DENND1A: variants seen among roughly 807,000 people sequenced by gnomAD.
DENND1A encodes the protein DENN domain-containing protein 1A.
DENND1A carries 51 observed loss-of-function variants against 113.7 expected under a neutral mutation model. That is an observed-to-expected ratio of 0.45 (90% CI 0.36 to 0.57). The LOEUF (loss-of-function observed/expected upper bound fraction) is 0.57. Ranked by LOEUF, DENND1A falls within the 20% of genes least tolerant of loss-of-function variation. The pLI is 0.00. For missense variants in DENND1A, 1,258 were observed against 1,395.9 expected, an observed-to-expected ratio of 0.90 and a Z score of 1.57; for synonymous variants, 565 against 570.8, an observed-to-expected ratio of 0.99 and a Z score of 0.14.
At chr9:123,461,045 T>C (rs950952635) in intron 13 of DENND1A, among the ~76,000 whole-genome samples, 1 of 152,224 alleles carries the variant, frequency 6.6e-6, no homozygotes, top group Non-Finnish European at 1.5e-5. Context: ...CTTCCTTTCC[T>C]AGAGTCCTTC....
intron 5 of DENND1A, among the ~76,000 whole-genome samples, chr9:123,717,667 T>A (rs1013491302): frequency 6.6e-6 from 1 of 152,252 alleles, no homozygotes; most frequent in South Asian, 2.1e-4. Context: ...CCTATTTTAA[T>A]GTAAGGCTTT....
At chr9:123,649,268 A>T (rs1036614620) in intron 9 of DENND1A, among the ~76,000 whole-genome samples, 1 of 152,166 alleles carries the variant, frequency 6.6e-6, no homozygotes, top group African/African-American at 2.4e-5. Flanking sequence ...GGACCATAAA[A>T]GTTTTCCCAT....
At chr9:123,552,259 G>A (rs2057136091) in intron 13 of DENND1A, among the ~76,000 whole-genome samples, 1 of 152,200 alleles carries the variant, frequency 6.6e-6, no homozygotes, top group African/African-American at 2.4e-5. Flanking sequence ...CTCAGAGGGA[G>A]GAGGTGGGCG....
At chr9:123,901,931 G>C (rs7018625) in intron 1 of DENND1A, among the ~76,000 whole-genome samples, 5,801 of 152,120 alleles carry the variant, frequency 0.038, 117 homozygotes, top group Middle Eastern at 0.048. Flanking sequence ...GTGTGAACCC[G>C]GGAGACAGAG....
intron 3 of DENND1A, among the ~76,000 whole-genome samples, chr9:123,775,158 TA>T (rs1372871182): frequency 1.3e-5 from 2 of 152,220 alleles, no homozygotes; most frequent in African/African-American, 4.8e-5. Flanking sequence ...ATGAGAGCTA[TA>T]TTTATAAGGT....
chr9:123,806,961 T>C (rs1835687114), intron 2 of DENND1A, among the ~76,000 whole-genome samples: 1 of 152,224 alleles, frequency 6.6e-6, no homozygotes, highest in Non-Finnish European at 1.5e-5. Flanking sequence ...GAAATGTAGG[T>C]ACTTTTTAAA....
intron 1 of DENND1A, among the ~76,000 whole-genome samples, chr9:123,886,603 C>T (rs78542127): frequency 0.019 from 2,963 of 152,240 alleles, 50 homozygotes; most frequent in South Asian, 0.072. Flanking sequence ...GCAAACACCA[C>T]CTAATAAACA....
intron 21 of DENND1A, among the ~76,000 whole-genome samples, chr9:123,397,032 T>C (rs952881214): frequency 6.6e-6 from 1 of 152,246 alleles, no homozygotes; most frequent in Non-Finnish European, 1.5e-5. Context: ...TCTTGAAGTC[T>C]CAGCTATTTC....
chr9:123,412,884 G>A (rs1449150782), intron 19 of DENND1A, among the ~76,000 whole-genome samples: 1 of 152,210 alleles, frequency 6.6e-6, no homozygotes, highest in Non-Finnish European at 1.5e-5. Context: ...GCCAAAAGGG[G>A]AGCCAATGTC....
intron 8 of DENND1A, among the ~76,000 whole-genome samples, chr9:123,663,582 A>T (rs1452897328): frequency 6.6e-6 from 1 of 151,734 alleles, no homozygotes; most frequent in Non-Finnish European, 1.5e-5. Context: ...ATAACACTAA[A>T]TTCCTAGAGA....
At chr9:123,549,501 C>T (rs767868965) in intron 13 of DENND1A, among the ~76,000 whole-genome samples, 10 of 152,058 alleles carry the variant, frequency 6.6e-5, no homozygotes, top group African/African-American at 2.2e-4. Flanking sequence ...TGCTTTCTTG[C>T]GATGCTGTGA....
intron 2 of DENND1A, among the ~76,000 whole-genome samples, chr9:123,873,772 T>G (rs1262120493): frequency 6.6e-6 from 1 of 151,662 alleles, no homozygotes; most frequent in Non-Finnish European, 1.5e-5. Flanking sequence ...AGACGGAGTC[T>G]CACTCTGTCA....
At chr9:123,383,938 CT>C in intron 22 of DENND1A, 25 bp from the exon 23 acceptor site, 1 of 1,591,566 alleles carries the variant, frequency 6.3e-7, no homozygotes. Context: ...GCAGGCTGCA[CT>C]CTCCCACCCA....
At chr9:123,870,783 GGGCAA>G (rs1846470572) in intron 2 of DENND1A, among the ~76,000 whole-genome samples, 1 of 151,984 alleles carries the variant, frequency 6.6e-6, no homozygotes, top group African/African-American at 2.4e-5. Flanking sequence ...TGTCCAACCT[GGGCAA>G]GTAAACCTCT....
At chr9:123,903,548 T>A (rs973862688) in intron 1 of DENND1A, among the ~76,000 whole-genome samples, 3 of 152,060 alleles carry the variant, frequency 2.0e-5, no homozygotes, top group African/African-American at 4.8e-5. Context: ...GGTGAGGCAT[T>A]GCCTCACTTG....
chr9:123,445,691 C>T lies in DENND1A; in HGVS notation c.1356+5002G>A, dbSNP rs111604079. 4.7e-3 allele frequency among the ~76,000 whole-genome samples: 710 copies of T among 152,220 alleles called. 4 individuals are homozygous for T. Among genetic ancestry groups the T allele is most frequent in the African/African-American group, 0.016 (672 of 41,520 alleles). On this transcript the variant is annotated intron_variant, in intron 18 of 23. Coordinates refer to ENST00000394215, the MANE Select transcript of DENND1A (RefSeq NM_001352964.2). Reference sequence around the variant, plus strand: ...TTCGAGACCAGCCTGGCCAACATGGCAAAACCCCGTCTCTACAAAAATACA... The same window carrying T: ...TTCGAGACCAGCCTGGCCAACATGGTAAAACCCCGTCTCTACAAAAATACA...
intron 4 of DENND1A, chr9:123,759,219 T>C (rs922042133): frequency 1.3e-5 from 2 of 152,218 alleles, no homozygotes; most frequent in Non-Finnish European, 2.9e-5. Context: ...GTCACAGTTA[T>C]GGCGGCTAAG....
chr9:123,466,700 C>A (rs781756102), intron 13 of DENND1A, among the ~76,000 whole-genome samples: 20 of 152,164 alleles, frequency 1.3e-4, no homozygotes, highest in Non-Finnish European at 2.5e-4. Context: ...CCTTCTATGT[C>A]ATCATTTTCA....
chr9:123,666,432 G>A (rs2063495580), intron 8 of DENND1A, among the ~76,000 whole-genome samples: 1 of 152,246 alleles, frequency 6.6e-6, no homozygotes, highest in South Asian at 2.1e-4. Context: ...TAGGGATGGA[G>A]GCCCTCATGC....
Sources: gnomAD v4.1 joint callset for allele counts (sites outside exome capture counted in the v4.1 genomes callset) on GRCh38, gnomAD v4.1.1 for gene constraint, MANE v1.5 for transcripts, NCBI Gene and HGNC (gene_info 2026-07-23, HGNC 2026-07-21) for gene names.